The following EML3 variants were observed in gnomAD, a reference collection of about 807,000 sequenced individuals.
The protein encoded by EML3 is EMAP like 3, also known as echinoderm microtubule-associated protein-like 3.
In EML3, 53 loss-of-function variants were observed where a neutral mutation model predicts 106.7. That is an observed-to-expected ratio of 0.50 (90% CI 0.40 to 0.62). The LOEUF is 0.62. Among genes scored for constraint, EML3 ranks in the 20% least tolerant of loss-of-function variants. EML3 has a pLI of 0.00. For synonymous variants in EML3, 499 were observed against 489.6 expected, an observed-to-expected ratio of 1.02 and a Z score of -0.25; for missense variants, 994 against 1,209.1, an observed-to-expected ratio of 0.82 and a Z score of 2.64.
rs774714077 is a variant in EML3 at position 62,609,622 on chromosome 11, T to G, written c.634+7A>C. 151 of 1,606,276 alleles carry G rather than the reference T, an allele frequency of 9.4e-5. No individual in the cohort carries two copies. In the East Asian group the frequency reaches 3.4e-3, roughly 36 times the overall value. The stretch of plus-strand genomic sequence containing the variant: ...CCAAGTTTTCCTCTCTGTCCCTCTT[T>G]ACATACCCAAATTGTAATTGCTCCT... On this transcript the variant is annotated splice_region_variant and intron_variant, in intron 5 of 21. Coordinates refer to ENST00000394773, the MANE Select transcript of EML3 (RefSeq NM_153265.3).
At chr11:62,604,914 G>A (rs991219625) in intron 16 of EML3, 199 bp downstream of exon 16, 6 of 445,350 alleles carry the variant, frequency 1.3e-5, no homozygotes, top group Non-Finnish European at 8.1e-6. Flanking sequence ...GAGACACTGG[G>A]TTGGGGGAGG....
intron 16 of EML3, chr11:62,604,605 T>TAG: frequency 4.2e-6 from 1 of 238,890 alleles, no homozygotes; most frequent in East Asian, 1.0e-4. Flanking sequence ...CTTGAACTCC[T>TAG]GACCTCAAGT....
At chr11:62,607,332 A>C in intron 11 of EML3, 1 of 472,548 alleles carries the variant, frequency 2.1e-6, no homozygotes, top group Non-Finnish European at 3.6e-6. Context: ...AACAAAAAAA[A>C]CAAAAAAAAA....
At chr11:62,604,280 GTA>G in intron 16 of EML3, 79 bp from the exon 17 acceptor site, 22 of 1,281,682 alleles carry the variant, frequency 1.7e-5, no homozygotes, top group East Asian at 2.4e-5. Context: ...GCCACCCTGG[GTA>G]GGCTTGGGGA....
intron 4 of EML3, among the ~76,000 whole-genome samples, chr11:62,610,011 G>A (rs964880049): frequency 1.3e-5 from 2 of 152,214 alleles, no homozygotes; most frequent in Admixed American, 6.5e-5. Flanking sequence ...AGGCTGGAGT[G>A]CAGTGGTGCG....
intron 7 of EML3, 63 bp from the exon 8 acceptor site, chr11:62,608,868 C>T (rs1942668084): frequency 1.9e-6 from 3 of 1,575,302 alleles, no homozygotes; most frequent in Non-Finnish European, 1.7e-6. Flanking sequence ...ACACCTTCTC[C>T]AAGCTTGCAG....
Position 62,602,674 on chromosome 11 carries a change from G to A in EML3, c.2492C>T (p.Pro831Leu). 6.3e-7 allele frequency: 1 copy of A among 1,596,786 alleles called. No individual in the cohort carries two copies. The highest frequency in any genetic ancestry group is 8.5e-7 in the Non-Finnish European group (1 of 1,174,778). ...GCCGTGGCCCCCGTACATGCGGCTC[G>A]GCGCCTGGGCCGGAGGGAAGAGTTG... Reference protein sequence around the residue: ...FQYPCARAKAPSRMYGGHGSH... With the variant: ...FQYPCARAKALSRMYGGHGSH... Residue 831 changes from proline to leucine, a missense_variant, in exon 22 of 22, where the codon CCG becomes CTG. This residue lies in a region of EML3 where 713 missense variants were observed against 920.5 expected (regional missense o/e 0.77). Transcript: ENST00000394773.
chr11:62,611,136 CA>C lies in EML3; in HGVS notation c.402del (p.Gly135AlafsTer47). On this transcript the variant is annotated frameshift_variant, in exon 3 of 22. Coordinates refer to ENST00000394773, the MANE Select transcript of EML3 (RefSeq NM_153265.3). LOFTEE classifies it high-confidence loss of function. The part of the protein sequence containing the change: ...GGSSSSGAGS[P>X]GPPGILRPLQ... ...AAGGGCCTGAGGATCCCCGGGGGGC[CA>C]GGGGAGCCAGCACCACTGCTGCTGC... 2 of 1,598,712 alleles carry C rather than the reference CA, an allele frequency of 1.3e-6. No homozygotes were observed. Among genetic ancestry groups the C allele is most frequent in the Non-Finnish European group, 1.7e-6 (2 of 1,177,902 alleles).
At position 62,603,168 on chromosome 11, in the gene EML3, C is replaced by T; in HGVS notation, c.2337G>A (p.Val779=). The change falls in exon 20 of 22, where the codon GTG becomes GTA. Residue 779 remains valine (V), a synonymous_variant. Transcript: ENST00000394773. ...RDREWATYTC[V]LGFHVYGVWP... ...GCTCACCGTAGACGTGAAAGCCCAGCACACAGGTGTAGGTAGCCCATTCCC... is the reference window on the plus strand; with the variant it reads ...GCTCACCGTAGACGTGAAAGCCCAGTACACAGGTGTAGGTAGCCCATTCCC... 6.2e-7 allele frequency: 1 copy of T among 1,614,128 alleles called. No homozygotes were observed. Among genetic ancestry groups the T allele is most frequent in the Non-Finnish European group, 8.5e-7 (1 of 1,180,024 alleles).
chr11:62,605,248 G>A lies in EML3; in HGVS notation c.1915-68C>T. On this transcript the variant is annotated intron_variant, in intron 15 of 21. Transcript: ENST00000394773. This position sits in a 1 kb window ranked among gnomAD's most constrained non-coding sequence, Gnocchi z 5.2. ...GTGAGGGAACCAGAGTGAACCCCTT[G>A]TCCTCCTAACTTCAAAGCCACTTAC... is the stretch of plus-strand genomic sequence containing the variant. 2.6e-6 allele frequency: 4 copies of A among 1,527,800 alleles called. No individual in the cohort carries two copies. Among genetic ancestry groups the A allele is most frequent in the East Asian group, 4.6e-5 (2 of 43,594 alleles). 94.6% of individuals were successfully genotyped at this position (1,527,800 alleles called of 1,614,324 possible).
Position 62,606,991 on chromosome 11 carries a change from C to A in EML3, c.1471G>T (p.Asp491Tyr), listed in dbSNP as rs750114735. 4 of 1,614,070 alleles carry A rather than the reference C, an allele frequency of 2.5e-6. No homozygotes were observed. Among genetic ancestry groups the A allele is most frequent in the Non-Finnish European group, 3.4e-6 (4 of 1,179,938 alleles). Residue 491 changes from aspartate to tyrosine, a missense_variant, in exon 12 of 22, where the codon GAT becomes TAT. Asp to Tyr is a radical substitution (Grantham distance 160, BLOSUM62 -3). This residue lies in a region of EML3 where 713 missense variants were observed against 920.5 expected (regional missense o/e 0.77). Transcript: ENST00000394773. ...NILTWGRSPS[D>Y]SKTPGRGGAK... ...CCACCCCTGCCTGGGGTCTTGGAAT[C>A]TGAAGGGCTCCGCCCCCAGGTGAGA...
At chr11:62,611,741 A>T in intron 1 of EML3, 145 bp from the exon 2 acceptor site, 1 of 940,448 alleles carries the variant, frequency 1.1e-6, no homozygotes. Flanking sequence ...TCCAGAGGGG[A>T]GGAGACGGTG....
chr11:62,609,386 G>A lies in EML3; in HGVS notation c.726C>T (p.Gly242=). 1.3e-6 allele frequency: 2 copies of A among 1,595,476 alleles called. No homozygotes were observed. The highest frequency in any genetic ancestry group is 4.5e-5 in the East Asian group (2 of 44,658). The change falls in exon 6 of 22, where the codon GGC becomes GGT. Residue 242 remains glycine (G), a synonymous_variant. Transcript: ENST00000394773. ...CAAGGCTGAGGGTCTCTGGCGGTGG[G>A]CCACTCGGCAGCTCCTCAAGGCTGC... ...GIRSLEELPS[G]PPPETLSLDW... is the part of the protein sequence containing the mutation.
chr11:62,605,670 T>C lies in EML3; in HGVS notation c.1886A>G (p.His629Arg). The change falls in exon 15 of 22, where the codon CAT becomes CGT. Residue 629 changes from histidine to arginine, a missense_variant. Transcript: ENST00000394773. The surrounding 1 kb of genome is among the most constrained non-coding windows in gnomAD (Gnocchi z 5.2). ...RQLCLWDGES[H>R]ALAWSIDLKE... Reference sequence around the variant, plus strand: ...GAGGTCGATGCTCCAGGCCAGTGCATGGCTCTCCCCATCCCACAGGCAGAG... The same window carrying C: ...GAGGTCGATGCTCCAGGCCAGTGCACGGCTCTCCCCATCCCACAGGCAGAG... 1 of 1,582,820 alleles carries C rather than the reference T, an allele frequency of 6.3e-7. No homozygotes were observed. The highest frequency in any genetic ancestry group is 2.2e-5 in the East Asian group (1 of 44,738).
chr11:62,611,718 G>A, intron 1 of EML3, 122 bp from the exon 2 acceptor site: 4 of 1,148,668 alleles, frequency 3.5e-6, no homozygotes, highest in Non-Finnish European at 1.2e-6. Context: ...GCAGCCCCAG[G>A]CTTGAATGCT....
At chr11:62,611,682 G>T in intron 1 of EML3, 86 bp from the exon 2 acceptor site, 1 of 1,438,802 alleles carries the variant, frequency 7.0e-7, no homozygotes, top group Non-Finnish European at 9.3e-7. Context: ...AACTTTACAT[G>T]TGTCCGGTAG....
chr11:62,606,246 T>A (rs1942512655), intron 12 of EML3, 32 bp from the exon 13 acceptor site: 1 of 1,606,114 alleles, frequency 6.2e-7, no homozygotes, highest in African/African-American at 1.3e-5. Context: ...GATCATGTTT[T>A]GGGGGTGCAG....
chr11:62,611,773 T>G (rs1418720632), intron 1 of EML3, 177 bp from the exon 2 acceptor site: 3 of 703,482 alleles, frequency 4.3e-6, no homozygotes, highest in Non-Finnish European at 6.8e-6. Context: ...AGGGCCTCCT[T>G]CTGGCAGGGC....
intron 16 of EML3, 42 bp from the exon 17 acceptor site, chr11:62,604,243 GCAGGATGTAAGGAGACCCC>G (rs1374642975): frequency 5.0e-6 from 8 of 1,602,532 alleles, no homozygotes; most frequent in African/African-American, 1.3e-5. Flanking sequence ...AGACGAAAAG[GCAGGATGTAAGGAGACCCC>G]CAGGGAGGCC....
Sources: gnomAD v4.1 joint callset for allele counts (sites outside exome capture counted in the v4.1 genomes callset) on GRCh38, gnomAD v4.1.1 for gene constraint, gnomAD v4.1.1 regional missense constraint, Gnocchi (gnomAD v3.1) non-coding constraint, MANE v1.5 for transcripts, NCBI Gene and HGNC (gene_info 2026-07-23, HGNC 2026-07-21) for gene names.